The following CASP9 variants were observed in gnomAD, a reference collection of about 807,000 sequenced individuals.
CASP9 encodes caspase-9.
Under a neutral mutation model 43.5 loss-of-function variants are expected in CASP9, and 29 were observed. The ratio of observed to expected loss-of-function variants is 0.67; its 90% CI spans 0.50 to 0.91. CASP9 has a LOEUF of 0.91. Among genes scored for constraint, CASP9 ranks in the 40% least tolerant of loss-of-function variants. CASP9 has a pLI of 0.00. For synonymous variants in CASP9, 206 were observed against 211.9 expected (o/e 0.97, Z 0.24); for missense variants, 575 against 537.4 (o/e 1.07, Z -0.69).
At chr1:15,524,321 A>C (rs948534229), upstream of CASP9, 441 of 1,398,706 alleles carry the variant, frequency 3.2e-4, 1 homozygote, top group Non-Finnish European at 3.9e-4. Flanking sequence ...GCCCCGGGTC[A>C]GTCTTCGCTC....
In CASP9 at chr1:15,493,683, C is replaced by T. The variant is rs149977146; in HGVS notation, c.1158+209G>A. 936 of 1,455,894 alleles carry T rather than the reference C, an allele frequency of 6.4e-4. 10 individuals carry two copies. In the East Asian group the frequency reaches 0.02, roughly 31 times the overall value. The allele number at this position is 1,455,894 out of a possible 1,614,324, so 90.2% of individuals were successfully genotyped here. ...ACCTTGGAGGAGACAGGGAAGGCAA[C>T]TCTTTGAATAAAGGGCAAACGTCAC... On this transcript the variant is annotated intron_variant, in intron 8 of 8. Transcript: ENST00000333868.
At position 15,518,186 on chromosome 1, in the gene CASP9, C is replaced by G. The variant is rs2020897; in HGVS notation, c.342G>C (p.Glu114Asp). ...GTCTGAGAACCTCTGGTTTGCGAATCTCTGGTCTGAGCACCACTGGGGTAA... is the reference window on the plus strand; with the variant it reads ...GTCTGAGAACCTCTGGTTTGCGAATGTCTGGTCTGAGCACCACTGGGGTAA... Reference protein sequence around the residue: ...ENLTPVVLRPEIRKPEVLRPE... With the variant: ...ENLTPVVLRPDIRKPEVLRPE... The change falls in exon 2 of 9, where the codon GAG becomes GAC. Residue 114 changes from glutamate (E) to aspartate (D), a missense_variant. By Grantham distance (45) the Glu-to-Asp change is conservative (BLOSUM62 2). Coordinates refer to ENST00000333868, the MANE Select transcript of CASP9 (RefSeq NM_001229.5). The G allele has an allele frequency of 2.5e-6, 4 of 1,614,220 alleles. No individual in the cohort carries two copies. The Admixed American group carries it at 6.7e-5, about 27-fold the overall frequency.
chr1:15,517,960 A>G (rs1710016806), intron 2 of CASP9, 150 bp downstream of exon 2: 2 of 872,258 alleles, frequency 2.3e-6, no homozygotes, highest in Non-Finnish European at 3.5e-6. Context: ...AACCTCCTGA[A>G]AACCTCCCAG....
chr1:15,521,155 T>C, intron 1 of CASP9, among the ~76,000 whole-genome samples: 1 of 52,178 alleles, frequency 1.9e-5, no homozygotes, highest in Admixed American at 2.6e-4. Flanking sequence ...AGACTCCGTC[T>C]CAAAAAAAAA....
chr1:15,510,403 T>G (rs1354538837), intron 2 of CASP9, among the ~76,000 whole-genome samples: 1 of 152,174 alleles, frequency 6.6e-6, no homozygotes, highest in Admixed American at 6.5e-5. Context: ...CATCCCATTT[T>G]TAAAGTTAGA....
chr1:15,512,272 A>G (rs1415173225), intron 2 of CASP9, among the ~76,000 whole-genome samples: 1 of 151,940 alleles, frequency 6.6e-6, no homozygotes, highest in African/African-American at 2.4e-5. Flanking sequence ...GTACCCAAAT[A>G]TTTGGTTAAA....
At chr1:15,509,477 AAAG>A (rs1709656595) in intron 2 of CASP9, among the ~76,000 whole-genome samples, 1 of 150,592 alleles carries the variant, frequency 6.6e-6, no homozygotes. Context: ...AAAAAAAAAA[AAAG>A]AAAAATTAGC....
intron 1 of CASP9, chr1:15,520,099 C>G (rs1045221639): frequency 2.7e-5 from 4 of 146,746 alleles, no homozygotes; most frequent in African/African-American, 1.0e-4. Flanking sequence ...AGATACCCAG[C>G]ACTGGACAGG....
chr1:15,506,211 G>A (rs1709514597), intron 4 of CASP9, 132 bp from the exon 5 acceptor site: 1 of 632,700 alleles, frequency 1.6e-6, no homozygotes, highest in Non-Finnish European at 2.9e-6. Context: ...CACTTTGGGA[G>A]GCCAAGGCAG....
intron 8 of CASP9, chr1:15,493,673 G>T: frequency 6.9e-7 from 1 of 1,452,900 alleles, no homozygotes; most frequent in South Asian, 1.4e-5. Context: ...GGAGGAGACA[G>T]GGAAGGCAAC....
intron 6 of CASP9, among the ~76,000 whole-genome samples, chr1:15,497,323 A>G (rs541191516): frequency 1.7e-3 from 240 of 142,738 alleles, no homozygotes; most frequent in Middle Eastern, 0.011. Flanking sequence ...AAAAAAAAAA[A>G]AAAAGAAAGA....
chr1:15,497,787 T>C (rs1436636763), intron 6 of CASP9, among the ~76,000 whole-genome samples: 2 of 152,116 alleles, frequency 1.3e-5, no homozygotes, highest in Non-Finnish European at 2.9e-5. Flanking sequence ...TTTGCAGAAA[T>C]AGAAAATCTA....
At position 15,506,537 on chromosome 1, in the gene CASP9, G is replaced by A. The variant is rs1439230620; in HGVS notation, c.630+362C>T. On this transcript the variant is annotated intron_variant, in intron 4 of 8. Coordinates refer to ENST00000333868, the MANE Select transcript of CASP9 (RefSeq NM_001229.5). ...GCACTTTCTCGGTTTCCCAGGGCCA[G>A]TACCGAAGTGCTGACAGTCCCAGCA... is the stretch of plus-strand genomic sequence containing the variant. Among the ~76,000 whole-genome samples, 2 of 152,092 alleles carry A rather than the reference G, an allele frequency of 1.3e-5. 1 individual carries two copies. The highest frequency in any genetic ancestry group is 1.3e-4 in the Admixed American group (2 of 15,254).
At chr1:15,524,768 C>T, upstream of CASP9, 1 of 1,009,274 alleles carries the variant, frequency 9.9e-7, no homozygotes, top group Non-Finnish European at 1.2e-6. Context: ...ACCGCGTCAC[C>T]GCCCACTCCC....
intron 8 of CASP9, 108 bp downstream of exon 8, chr1:15,493,784 T>C: frequency 6.5e-7 from 1 of 1,536,074 alleles, no homozygotes; most frequent in Non-Finnish European, 8.7e-7. Context: ...CTACTACCTT[T>C]TACCCTTGGT....
intron 6 of CASP9, among the ~76,000 whole-genome samples, chr1:15,498,850 G>A (rs1389220677): frequency 6.8e-6 from 1 of 147,216 alleles, no homozygotes. Context: ...GGGTTCAAGC[G>A]ATTCTCCTGT....
chr1:15,510,321 C>G (rs190207601), intron 2 of CASP9, among the ~76,000 whole-genome samples: 44 of 152,302 alleles, frequency 2.9e-4, no homozygotes, highest in Admixed American at 1.6e-3. Context: ...AGTGCCATTC[C>G]TTGCTTAGAA....
At chr1:15,523,821 T>C (rs1354863005) in intron 1 of CASP9, among the ~76,000 whole-genome samples, 1 of 152,256 alleles carries the variant, frequency 6.6e-6, no homozygotes, top group Non-Finnish European at 1.5e-5. Context: ...GAATTGTTTC[T>C]TATTCAAAGT....
intron 6 of CASP9, among the ~76,000 whole-genome samples, chr1:15,497,881 T>TC (rs1395047158): frequency 6.6e-6 from 1 of 152,070 alleles, no homozygotes; most frequent in Non-Finnish European, 1.5e-5. Flanking sequence ...GACTCACACT[T>TC]CCTGATTTCA....
Sources: allele counts gnomAD v4.1 joint callset (sites outside exome capture counted in the v4.1 genomes callset), GRCh38; gene constraint gnomAD v4.1.1; transcripts MANE v1.5; gene names NCBI Gene and HGNC (gene_info 2026-07-23, HGNC 2026-07-21).